Variants in RGPD4 observed in about 807,000 individuals in gnomAD.
RGPD4 encodes the protein ranBP2-like and GRIP domain-containing protein 4.
In RGPD4, 84 loss-of-function variants were observed where a neutral mutation model predicts 141.1. The ratio of observed to expected loss-of-function variants is 0.60; its 90% CI spans 0.50 to 0.71. RGPD4 has a LOEUF of 0.71. RGPD4 is among the 30% of genes least tolerant of loss of function. The pLI is 0.00. For missense variants in RGPD4, 918 were observed against 1,622.4 expected (o/e 0.57, Z 7.46); for synonymous variants, 298 against 566.8 (o/e 0.53, Z 6.74).
chr2:107,882,175 AT>A (rs1038462701), intron 21 of RGPD4, among the ~76,000 whole-genome samples: 8 of 151,872 alleles, frequency 5.3e-5, no homozygotes, highest in African/African-American at 1.9e-4. Context: ...GAACTCCAGT[AT>A]TTACACAGGA....
intron 6 of RGPD4, among the ~76,000 whole-genome samples, chr2:107,845,717 C>A (rs1453699289): frequency 1.3e-5 from 2 of 152,230 alleles, no homozygotes; most frequent in African/African-American, 4.8e-5. Flanking sequence ...GCGCCCACCA[C>A]CACGCTCGGC....
intron 1 of RGPD4, among the ~76,000 whole-genome samples, chr2:107,835,530 A>T (rs530914845): frequency 2.6e-5 from 4 of 151,306 alleles, no homozygotes; most frequent in Non-Finnish European, 5.9e-5. Flanking sequence ...TACATGTACT[A>T]TTGAGGCACA....
intron 20 of RGPD4, among the ~76,000 whole-genome samples, chr2:107,878,225 C>T (rs2919195): frequency 7.3e-5 from 11 of 151,616 alleles, no homozygotes; most frequent in East Asian, 1.9e-4. Context: ...TTATTGTGTA[C>T]CTCTGTAAGG....
chr2:107,874,940 A>G (rs1427691503), intron 20 of RGPD4, among the ~76,000 whole-genome samples: 1 of 146,612 alleles, frequency 6.8e-6, no homozygotes, highest in East Asian at 2.0e-4. Context: ...TAACATTGTA[A>G]AAGGAAGGGC....
intron 20 of RGPD4, among the ~76,000 whole-genome samples, chr2:107,878,429 C>T (rs1049100532): frequency 1.3e-5 from 2 of 150,484 alleles, no homozygotes. Context: ...GTGTCTTCCG[C>T]CAGCACATAC....
chr2:107,828,567 C>T (rs1388490343), intron 1 of RGPD4, among the ~76,000 whole-genome samples: 2 of 105,976 alleles, frequency 1.9e-5, no homozygotes, highest in African/African-American at 3.8e-5. Flanking sequence ...TGCTCCCTGG[C>T]GCGCTCTGTT....
At chr2:107,828,216 GGGCGGCGGCGGCCTCGACCTGGCCC>G (rs1681304233) in intron 1 of RGPD4, among the ~76,000 whole-genome samples, 1 of 26,614 alleles carries the variant, frequency 3.8e-5, no homozygotes, top group Non-Finnish European at 7.9e-5. Flanking sequence ...CGACCTGGCC[GGGCGGCGGCGGCCTCGACCTGGCCC>G]GGCGGCGGCC....
In RGPD4 at chr2:107,868,676, AATAGCTTCAATTTGC is replaced by A. The variant is rs1168046400; in HGVS notation, c.2606-1205_2606-1191del. Among the ~76,000 whole-genome samples, 29 of 148,796 alleles carry A rather than the reference AATAGCTTCAATTTGC, an allele frequency of 1.9e-4. 1 individual carries two copies. The highest frequency in any genetic ancestry group is 1.9e-3 in the Admixed American group (28 of 14,800). ...ATTTTTTTGACCTGAACATTCTCAT[AATAGCTTCAATTTGC>A]ACAATGCAACCTCGTCATTTTGCAG... On this transcript the variant is annotated intron_variant, in intron 18 of 22. Coordinates refer to ENST00000408999, the MANE Select transcript of RGPD4 (RefSeq NM_182588.3).
chr2:107,887,839 A>T (rs1322535257), intron 22 of RGPD4, among the ~76,000 whole-genome samples: 1 of 59,456 alleles, frequency 1.7e-5, no homozygotes, highest in East Asian at 2.8e-4. Context: ...CTCCCCAAAT[A>T]AGTTAGCCAT....
rs1397437497 is a variant in RGPD4 at position 107,891,922 on chromosome 2, C to A, written c.*1191C>A. 8.9e-6 allele frequency among the ~76,000 whole-genome samples: 1 copy of A among 111,964 alleles called. No individual in the cohort carries two copies. Among genetic ancestry groups the A allele is most frequent in the East Asian group, 2.0e-4 (1 of 5,042 alleles). 73.5% of individuals were successfully genotyped at this position (111,964 alleles called of 152,430 possible). On this transcript the variant is annotated 3_prime_UTR_variant, in exon 23 of 23. Transcript: ENST00000408999. ...GTGGTAGTGTTACTTGCCTTTGACA[C>A]CTCTGCATATGTTTTAATGACTAGA... is the stretch of plus-strand genomic sequence containing the variant.
At chr2:107,878,148 C>T (rs832354) in intron 20 of RGPD4, among the ~76,000 whole-genome samples, 119,270 of 148,004 alleles carry the variant, frequency 0.81, 48,114 homozygotes, top group African/African-American at 0.91. Context: ...TTAGCAATTC[C>T]TCATACACCT....
intron 20 of RGPD4, among the ~76,000 whole-genome samples, chr2:107,876,914 G>A (rs1573528440): frequency 6.6e-6 from 1 of 152,278 alleles, no homozygotes; most frequent in Admixed American, 6.5e-5. Context: ...TCAGGACTAA[G>A]GCAATTTAAT....
intron 1 of RGPD4, among the ~76,000 whole-genome samples, chr2:107,828,716 G>GGGC (rs1414613855): frequency 3.6e-5 from 1 of 28,054 alleles, no homozygotes; most frequent in Admixed American, 2.3e-4. Context: ...CGACCTGGCC[G>GGGC]GGCGGCGGCG....
rs1476887884 is a variant in RGPD4, at chr2:107,871,197, G to T, written c.3193G>T (p.Val1065Leu). 1.9e-6 allele frequency: 3 copies of T among 1,610,012 alleles called. No homozygotes were observed. Among genetic ancestry groups the T allele is most frequent in the Admixed American group, 3.3e-5 (2 of 59,820 alleles). Residue 1065 changes from valine (V) to leucine (L), a missense_variant, in exon 20 of 23, where the codon GTA becomes TTA. Coordinates refer to ENST00000408999, the MANE Select transcript of RGPD4 (RefSeq NM_182588.3). ...EGEKVLYSQG[V>L]KLFRFDAEVR... ...TGAAAAAGTTCTGTATTCACAGGGG[G>T]TAAAACTATTTAGATTTGATGCTGA...
chr2:107,883,016 T>C (rs546101987), intron 22 of RGPD4, 143 bp downstream of exon 22: 4 of 1,109,710 alleles, frequency 3.6e-6, no homozygotes, highest in East Asian at 4.8e-5. Flanking sequence ...TGACTAGATT[T>C]GAAAAGCTGA....
chr2:107,857,989 A>C (rs1682386914), intron 9 of RGPD4, among the ~76,000 whole-genome samples: 1 of 152,076 alleles, frequency 6.6e-6, no homozygotes, highest in Non-Finnish European at 1.5e-5. Flanking sequence ...ACTTCGTCTC[A>C]AAAACAAAAA....
chr2:107,830,244 G>A (rs55829724), intron 1 of RGPD4, among the ~76,000 whole-genome samples: 42,264 of 150,250 alleles, frequency 0.28, 5,955 homozygotes, highest in Middle Eastern at 0.35. Context: ...CTTTTCCACA[G>A]ATGTTTTAAG....
In RGPD4 at chr2:107,873,444, G is replaced by A. The variant is rs569577723; in HGVS notation, c.4924+516G>A. ...AAAAATGAGCCGGGCGTGGTGGTGC[G>A]TGCCTATAATTAGCAGCTACTCAGG... On this transcript the variant is annotated intron_variant, in intron 20 of 22. Coordinates refer to ENST00000408999, the MANE Select transcript of RGPD4 (RefSeq NM_182588.3). 4.2e-4 allele frequency among the ~76,000 whole-genome samples: 60 copies of A among 144,124 alleles called. 2 individuals are homozygous for A. The highest frequency in any genetic ancestry group is 2.0e-3 in the East Asian group (10 of 4,998). The allele number at this position is 144,124 out of a possible 152,430, so 94.6% of individuals were successfully genotyped here.
At chr2:107,847,692 G>A (rs1343158651) in intron 6 of RGPD4, among the ~76,000 whole-genome samples, 2 of 62,886 alleles carry the variant, frequency 3.2e-5, no homozygotes, top group Admixed American at 1.2e-4. Context: ...GGGCATGGTG[G>A]CAGGTGCCTG....
Sources: allele counts gnomAD v4.1 joint callset (sites outside exome capture counted in the v4.1 genomes callset), GRCh38; gene constraint gnomAD v4.1.1; transcripts MANE v1.5; gene names NCBI Gene and HGNC (gene_info 2026-07-23, HGNC 2026-07-21).